SHFL: variants seen among roughly 807,000 people sequenced by gnomAD.
SHFL encodes shiftless antiviral inhibitor of ribosomal frameshifting, also known as shiftless antiviral inhibitor of ribosomal frameshifting protein.
A neutral mutation model predicts 34.7 loss-of-function variants in SHFL; 12 were observed. The observed-to-expected ratio is 0.35, with a 90% CI of 0.22 to 0.56. SHFL has a LOEUF of 0.56. SHFL is among the 20% of genes least tolerant of loss of function. The probability of loss-of-function intolerance (pLI) is 0.88; values close to 1 mark genes in which losing one functional copy is unlikely to be tolerated. For synonymous variants in SHFL, 148 were observed against 156.0 expected (o/e 0.95, Z 0.38); for missense variants, 278 against 411.1 (o/e 0.68, Z 2.80).
chr19:10,091,471 C>T lies in SHFL; in HGVS notation c.489-5C>T. On this transcript the variant is annotated splice_region_variant and splice_polypyrimidine_tract_variant and intron_variant, in intron 6 of 7. Coordinates refer to ENST00000253110, the MANE Select transcript of SHFL (RefSeq NM_018381.4). This position sits in a 1 kb window ranked among gnomAD's most constrained non-coding sequence, Gnocchi z 8.2. ...TCGGACCCTCACAGCCCTGCCCGCC[C>T]CCAGGGGCTGGGCACAGATGGGGTC... The T allele has an allele frequency of 6.5e-7, 1 of 1,540,364 alleles. No homozygotes were observed. The highest frequency in any genetic ancestry group is 8.8e-7 in the Non-Finnish European group (1 of 1,139,674).
chr19:10,092,433 T>G lies in SHFL; in HGVS notation c.*131T>G. ...AGGCCAAGATATTGACGGGGGGGATTCCTGGGTCCCATTTTCAGCGCCCAG... is the reference window on the plus strand; with the variant it reads ...AGGCCAAGATATTGACGGGGGGGATGCCTGGGTCCCATTTTCAGCGCCCAG... On this transcript the variant is annotated 3_prime_UTR_variant, in exon 8 of 8. Transcript: ENST00000253110. The G allele has an allele frequency of 6.6e-7, 1 of 1,518,910 alleles. No individual in the cohort carries two copies. 94.1% of individuals were successfully genotyped at this position (1,518,910 alleles called of 1,614,324 possible). A position where few individuals can be genotyped will look rare whatever the true frequency, so the allele number is the denominator to read the frequency against.
chr19:10,086,812 GGC>G lies in SHFL; in HGVS notation c.22-115_22-114del. 6.6e-6 allele frequency: 8 copies of G among 1,210,460 alleles called. No homozygotes were observed. Among genetic ancestry groups the G allele is most frequent in the Non-Finnish European group, 9.2e-6 (8 of 868,394 alleles). The allele number at this position is 1,210,460 out of a possible 1,614,324, so 75.0% of individuals were successfully genotyped here. A position where few individuals can be genotyped will look rare whatever the true frequency, so the allele number is the denominator to read the frequency against. The stretch of plus-strand genomic sequence containing the variant: ...GTAAAGGGATGAAAGGCGGGGGGGG[GGC>G]GGCGGAGGCCAAAACCAAGGGTCAA... On this transcript the variant is annotated intron_variant, in intron 1 of 7. Transcript: ENST00000253110. The surrounding 1 kb of genome is among the most constrained non-coding windows in gnomAD (Gnocchi z 5.2).
intron 3 of SHFL, 173 bp from the exon 4 acceptor site, chr19:10,089,484 C>T: frequency 7.1e-7 from 1 of 1,408,228 alleles, no homozygotes; most frequent in East Asian, 2.4e-5. Context: ...CTCAGGGCTG[C>T]TATGAGGACA....
rs763466259 is a variant in SHFL at position 10,091,667 on chromosome 19, T to C, written c.643+37T>C. ...CTCCCCCAACAGCCTGGACAGTCTTTGTCCCCTTCTGTGCCTTTAAGTCCC... is the reference window on the plus strand; with the variant it reads ...CTCCCCCAACAGCCTGGACAGTCTTCGTCCCCTTCTGTGCCTTTAAGTCCC... On this transcript the variant is annotated intron_variant, in intron 7 of 7. Coordinates refer to ENST00000253110, the MANE Select transcript of SHFL (RefSeq NM_018381.4). This position sits in a 1 kb window ranked among gnomAD's most constrained non-coding sequence, Gnocchi z 8.2. 1.3e-6 allele frequency: 2 copies of C among 1,508,052 alleles called. No individual in the cohort carries two copies. The highest frequency in any genetic ancestry group is 1.8e-6 in the Non-Finnish European group (2 of 1,121,862). 93.4% of individuals were successfully genotyped at this position (1,508,052 alleles called of 1,614,324 possible). A position where few individuals can be genotyped will look rare whatever the true frequency, so the allele number is the denominator to read the frequency against.
intron 5 of SHFL, among the ~76,000 whole-genome samples, chr19:10,090,985 C>G (rs774931376): frequency 1.1e-4 from 17 of 152,196 alleles, no homozygotes; most frequent in Non-Finnish European, 2.2e-4. Context: ...TCTGAACCTC[C>G]TGACTAGTAG....
chr19:10,092,084 G>A lies in SHFL; in HGVS notation c.658G>A (p.Gly220Arg), dbSNP rs767171682. Residue 220 changes from glycine to arginine, a missense_variant, in exon 8 of 8, where the codon GGG (glycine) becomes AGG (arginine). Gly to Arg is a moderately radical substitution (Grantham distance 125). Transcript: ENST00000253110. ...TCCCTCCCTAGAGCCCCACGTGCCT[G>A]GGACATCCTGTGCTCACCCCAAGAG... ...CYNRREPHVPGTSCAHPKSRK... is the reference protein window; with the variant it reads ...CYNRREPHVPRTSCAHPKSRK... 6.2e-7 allele frequency: 1 copy of A among 1,613,704 alleles called. No individual in the cohort carries two copies. Among genetic ancestry groups the A allele is most frequent in the African/African-American group, 1.3e-5 (1 of 74,910 alleles).
intron 3 of SHFL, 70 bp from the exon 4 acceptor site, chr19:10,089,585 CCT>C: frequency 6.5e-7 from 1 of 1,537,906 alleles, no homozygotes; most frequent in South Asian, 1.2e-5. Flanking sequence ...CGGCCGGGGG[CCT>C]CCCCCAGCAA....
rs1363082752 is a variant in SHFL at position 10,093,077 on chromosome 19, C to A, written c.*775C>A. 1 of 499,566 alleles carries A rather than the reference C, an allele frequency of 2.0e-6. No homozygotes were observed. Among genetic ancestry groups the A allele is most frequent in the Admixed American group, 3.6e-5 (1 of 27,958 alleles). The allele number at this position is 499,566 out of a possible 1,614,324, so 30.9% of individuals were successfully genotyped here. A position where few individuals can be genotyped will look rare whatever the true frequency, so the allele number is the denominator to read the frequency against. Reference sequence around the variant, plus strand: ...TTTATCAAAGAAAAGTATCTACTTCCTTTCTAGAATAAGAGTACTAGCTCT... The same window carrying A: ...TTTATCAAAGAAAAGTATCTACTTCATTTCTAGAATAAGAGTACTAGCTCT... On this transcript the variant is annotated 3_prime_UTR_variant, in exon 8 of 8. Coordinates refer to ENST00000253110, the MANE Select transcript of SHFL (RefSeq NM_018381.4).
rs1050093447 is a variant in SHFL, at chr19:10,086,697, G to GC, written c.22-225dup. On this transcript the variant is annotated intron_variant, in intron 1 of 7. Coordinates refer to ENST00000253110, the MANE Select transcript of SHFL (RefSeq NM_018381.4). The surrounding 1 kb of genome is among the most constrained non-coding windows in gnomAD (Gnocchi z 5.2). ...GTCAGAGGCCAGAGATAACCTGGCC[G>GC]CCCCCCCACACCTTAGGCTGGGACG... 23 of 594,656 alleles carry GC rather than the reference G, an allele frequency of 3.9e-5. No homozygotes were observed. Among genetic ancestry groups the GC allele is most frequent in the East Asian group, 1.2e-4 (4 of 34,494 alleles). 36.8% of individuals were successfully genotyped at this position (594,656 alleles called of 1,614,324 possible). A position where few individuals can be genotyped will look rare whatever the true frequency, so the allele number is the denominator to read the frequency against.
At position 10,090,092 on chromosome 19, in the gene SHFL, CACTCCTG is replaced by C. The variant is rs2088355747; in HGVS notation, c.384+52_384+58del. ...CCTCGACTTTGACTGTCCCGAACTCCACTCCTGACTCCTATCCTCAGTGACTGTACCT... is the reference window on the plus strand; with the variant it reads ...CCTCGACTTTGACTGTCCCGAACTCCACTCCTATCCTCAGTGACTGTACCT... On this transcript the variant is annotated intron_variant, in intron 5 of 7. Transcript: ENST00000253110. 3 of 1,566,932 alleles carry C rather than the reference CACTCCTG, an allele frequency of 1.9e-6. No individual in the cohort carries two copies. In the African/African-American group the frequency reaches 4.1e-5, roughly 21 times the overall value.
intron 3 of SHFL, chr19:10,087,512 T>C (rs1389204673): frequency 1.2e-5 from 7 of 600,506 alleles, no homozygotes; most frequent in African/African-American, 5.6e-5. Context: ...TATGTGCTGA[T>C]TGTATTCAAT....
At chr19:10,092,004 G>C (rs1364530118) in intron 7 of SHFL, 66 bp from the exon 8 acceptor site, 2 of 1,603,180 alleles carry the variant, frequency 1.2e-6, no homozygotes, top group Admixed American at 3.5e-5. Flanking sequence ...CGTGGCCTAA[G>C]TCCCCTCCTC....
At position 10,091,593 on chromosome 19, in the gene SHFL, T is replaced by A. The variant is rs2088391259; in HGVS notation, c.606T>A (p.Thr202=). ...DRDPDRRSTH[T]HSCSAADCYN... is the part of the protein sequence containing the mutation. ...ACCCGGATCGCCGCAGCACCCACAC[T>A]CACTCCTGCTCAGCTGCCGACTGCT... The change falls in exon 7 of 8, where the codon ACT becomes ACA. Residue 202 remains threonine (T), a synonymous_variant. Coordinates refer to ENST00000253110, the MANE Select transcript of SHFL (RefSeq NM_018381.4). This position sits in a 1 kb window ranked among gnomAD's most constrained non-coding sequence, Gnocchi z 8.2. 6.4e-7 allele frequency: 1 copy of A among 1,551,440 alleles called. No homozygotes were observed. The highest frequency in any genetic ancestry group is 2.0e-5 in the Admixed American group (1 of 51,014).
At position 10,091,758 on chromosome 19, in the gene SHFL, A is replaced by T; in HGVS notation, c.643+128A>T. ...CCACTGCTTCCACATGGCCTCCATG[A>T]CCCCCCAGTCTCCGTGGTCTTGCCC... On this transcript the variant is annotated intron_variant, in intron 7 of 7. Transcript: ENST00000253110. This position sits in a 1 kb window ranked among gnomAD's most constrained non-coding sequence, Gnocchi z 8.2. 4 of 1,281,098 alleles carry T rather than the reference A, an allele frequency of 3.1e-6. No homozygotes were observed. In the South Asian group the frequency reaches 4.8e-5, roughly 15 times the overall value. 79.4% of individuals were successfully genotyped at this position (1,281,098 alleles called of 1,614,324 possible).
In SHFL at chr19:10,092,088, C is replaced by T. The variant is rs775058301; in HGVS notation, c.662C>T (p.Thr221Ile). 1 of 1,613,870 alleles carries T rather than the reference C, an allele frequency of 6.2e-7. No homozygotes were observed. Among genetic ancestry groups the T allele is most frequent in the South Asian group, 1.1e-5 (1 of 91,080 alleles). Reference protein sequence around the residue: ...YNRREPHVPGTSCAHPKSRKQ... With the variant: ...YNRREPHVPGISCAHPKSRKQ... ...TCCCTAGAGCCCCACGTGCCTGGGA[C>T]ATCCTGTGCTCACCCCAAGAGCCGG... Residue 221 changes from threonine to isoleucine, a missense_variant, in exon 8 of 8, where the codon ACA becomes ATA. Transcript: ENST00000253110.
intron 2 of SHFL, 76 bp from the exon 3 acceptor site, chr19:10,087,175 C>T: frequency 3.7e-6 from 6 of 1,600,920 alleles, no homozygotes; most frequent in South Asian, 1.1e-5. Flanking sequence ...GGAGGCTCTG[C>T]GTCGCGGCTC....
intron 5 of SHFL, 110 bp downstream of exon 5, chr19:10,090,157 A>G (rs1199032341): frequency 1.6e-6 from 2 of 1,225,766 alleles, no homozygotes; most frequent in Non-Finnish European, 2.3e-6. Context: ...TGAGAGTCCA[A>G]TCCCTGACCT....
intron 3 of SHFL, chr19:10,089,223 A>T (rs1356206006): frequency 1.5e-6 from 2 of 1,338,474 alleles, no homozygotes; most frequent in East Asian, 4.9e-5. Context: ...GTGGGAACCC[A>T]GGGGGCAGGG....
Position 10,086,995 on chromosome 19 carries a change from G to A in SHFL, c.88G>A (p.Ala30Thr). The A allele has an allele frequency of 1.9e-6, 3 of 1,613,524 alleles. No individual in the cohort carries two copies. Among genetic ancestry groups the A allele is most frequent in the East Asian group, 2.2e-5 (1 of 44,846 alleles). Reference protein sequence around the residue: ...HGKVSSKKAGALMRKFGSDHT... With the variant: ...HGKVSSKKAGTLMRKFGSDHT... ...GAAGGTATCCTCCAAGAAGGCGGGGGCTCTGATGAGGAAATTCGGCAGCGA... is the reference window on the plus strand; with the variant it reads ...GAAGGTATCCTCCAAGAAGGCGGGGACTCTGATGAGGAAATTCGGCAGCGA... Residue 30 changes from alanine (A) to threonine (T), a missense_variant, in exon 2 of 8, where the codon GCT becomes ACT. Around this residue, in one of 2 missense-constraint regions of SHFL, gnomAD observed 243 missense variants for 386.2 expected, o/e 0.63. Coordinates refer to ENST00000253110, the MANE Select transcript of SHFL (RefSeq NM_018381.4). The surrounding 1 kb of genome is among the most constrained non-coding windows in gnomAD (Gnocchi z 5.2).
Sources: gnomAD v4.1 joint callset for allele counts (sites outside exome capture counted in the v4.1 genomes callset) on GRCh38, gnomAD v4.1.1 for gene constraint, gnomAD v4.1.1 regional missense constraint, Gnocchi (gnomAD v3.1) non-coding constraint, MANE v1.5 for transcripts, NCBI Gene and HGNC (gene_info 2026-07-23, HGNC 2026-07-21) for gene names.